The following MRTFA variants were observed in gnomAD, a reference collection of about 807,000 sequenced individuals.
MRTFA encodes myocardin-related transcription factor A.
In MRTFA, 20 loss-of-function variants were observed where a neutral mutation model predicts 83.5. The observed-to-expected ratio is 0.24, with a 90% confidence interval of 0.17 to 0.35. The LOEUF (loss-of-function observed/expected upper bound fraction) is 0.35. Among genes scored for constraint, MRTFA ranks in the 10% least tolerant of loss-of-function variants. The pLI, the probability that MRTFA is intolerant of heterozygous loss-of-function variation, is 1.00. For missense variants in MRTFA, 1,200 were observed against 1,224.7 expected (o/e 0.98, Z 0.30); for synonymous variants, 659 against 541.2 (o/e 1.22, Z -3.02).
intron 3 of MRTFA, among the ~76,000 whole-genome samples, chr22:40,469,903 C>A (rs1041899242): frequency 6.6e-6 from 1 of 151,916 alleles, no homozygotes; most frequent in Admixed American, 6.6e-5. Context: ...AATAGCAAGA[C>A]CCCCATCTCT....
intron 12 of MRTFA, 86 bp downstream of exon 12, chr22:40,418,287 AG>A (rs2052731554): frequency 6.5e-7 from 1 of 1,532,800 alleles, no homozygotes; most frequent in Non-Finnish European, 8.7e-7. Flanking sequence ...GTCCAGCACG[AG>A]GGGTCCCCTG....
At chr22:40,539,146 C>T (rs2055243796) in intron 3 of MRTFA, among the ~76,000 whole-genome samples, 2 of 150,684 alleles carry the variant, frequency 1.3e-5, no homozygotes, top group South Asian at 4.2e-4. Flanking sequence ...AGTCGCCCAC[C>T]ACCACACCTG....
chr22:40,553,178 G>A (rs2055468602), intron 2 of MRTFA, among the ~76,000 whole-genome samples: 1 of 152,192 alleles, frequency 6.6e-6, no homozygotes. Context: ...AGAGGAAGCA[G>A]AGCATAAAAG....
chr22:40,571,916 T>A (rs2147346321), intron 2 of MRTFA, among the ~76,000 whole-genome samples: 2 of 95,102 alleles, frequency 2.1e-5, no homozygotes, highest in Non-Finnish European at 1.9e-5. Flanking sequence ...AGAGCAAGAC[T>A]CTGTCAAAAA....
At chr22:40,588,176 G>A (rs1027716660) in intron 2 of MRTFA, among the ~76,000 whole-genome samples, 3 of 151,832 alleles carry the variant, frequency 2.0e-5, no homozygotes, top group Non-Finnish European at 2.9e-5. Context: ...TTACAGGCAC[G>A]CGCCACCACG....
chr22:40,520,771 T>C (rs2054852603), intron 3 of MRTFA, among the ~76,000 whole-genome samples: 1 of 152,218 alleles, frequency 6.6e-6, no homozygotes, highest in African/African-American at 2.4e-5. Flanking sequence ...TAATATTCCA[T>C]TGTATGGATA....
rs369786698 is a variant in MRTFA, at chr22:40,483,329, T to C, written c.242-20043A>G. 2.7e-3 allele frequency among the ~76,000 whole-genome samples: 412 copies of C among 151,936 alleles called. 5 individuals are homozygous for C. The highest frequency in any genetic ancestry group is 9.5e-3 in the African/African-American group (394 of 41,378). On this transcript the variant is annotated intron_variant, in intron 3 of 14. Transcript: ENST00000355630. The stretch of plus-strand genomic sequence containing the variant: ...ATCCTCCTGCTTCAGTCTCCCAAAG[T>C]GCTGGAATCACAGGCGTGAGCTACT...
chr22:40,452,317 T>C (rs959804082), intron 4 of MRTFA, among the ~76,000 whole-genome samples: 2 of 152,106 alleles, frequency 1.3e-5, no homozygotes, highest in Non-Finnish European at 2.9e-5. Context: ...TCATCAGTTA[T>C]CTATCAGGAC....
chr22:40,419,097 C>T lies in MRTFA; in HGVS notation c.1641G>A (p.Thr547=), dbSNP rs758709520. 74 of 1,597,860 alleles carry T rather than the reference C, an allele frequency of 4.6e-5. No homozygotes were observed. In the Middle Eastern group the frequency reaches 4.9e-4, roughly 11 times the overall value. ...TGGGAGACACGGGGGGCGTGGAGCC[C>T]GTGCTGCCAAACTTCACCACCCCAC... is the stretch of plus-strand genomic sequence containing the variant. Residue 547 remains threonine (T), a synonymous_variant, in exon 12 of 15, where the codon ACG becomes ACA. Transcript: ENST00000355630.
intron 1 of MRTFA, among the ~76,000 whole-genome samples, chr22:40,631,815 T>C (rs133047): frequency 0.93 from 141,283 of 152,260 alleles, 65,713 homozygotes; most frequent in East Asian, 0.99. Flanking sequence ...GGAATTAAAT[T>C]TTTCCCATTC....
At chr22:40,597,215 A>G (rs180915611) in intron 1 of MRTFA, among the ~76,000 whole-genome samples, 2 of 152,340 alleles carry the variant, frequency 1.3e-5, no homozygotes, top group East Asian at 3.9e-4. Flanking sequence ...AGAAGGCCCA[A>G]CTGACCAGAA....
chr22:40,533,603 C>T (rs1360616594), intron 3 of MRTFA: 2 of 1,229,732 alleles, frequency 1.6e-6, no homozygotes, highest in Non-Finnish European at 1.0e-6. Context: ...ACTGTACTGC[C>T]ATCATTAACA....
chr22:40,500,362 A>T, intron 3 of MRTFA, among the ~76,000 whole-genome samples: 2 of 125,240 alleles, frequency 1.6e-5, no homozygotes, highest in African/African-American at 3.0e-5. Context: ...TTTTTTTAAC[A>T]TTTCATTTTT....
chr22:40,519,598 ATT>A (rs1035023895), intron 3 of MRTFA: 1 of 1,326,488 alleles, frequency 7.5e-7, no homozygotes, highest in African/African-American at 1.5e-5. Context: ...GTTATACCCA[ATT>A]TGAGACATTT....
chr22:40,521,522 A>C (rs1318776193), intron 3 of MRTFA, among the ~76,000 whole-genome samples: 1 of 150,060 alleles, frequency 6.7e-6, no homozygotes, highest in African/African-American at 2.4e-5. Flanking sequence ...ATTATGAGAC[A>C]GAGTCTCACT....
chr22:40,590,278 T>C (rs1478855448), intron 2 of MRTFA, among the ~76,000 whole-genome samples: 1 of 152,072 alleles, frequency 6.6e-6, no homozygotes, highest in Non-Finnish European at 1.5e-5. Context: ...AAAAGACAGT[T>C]TACAATGGAT....
intron 2 of MRTFA, among the ~76,000 whole-genome samples, chr22:40,570,577 CAAAAAAAAAAAAAAAA>C (rs894548892): frequency 1.7e-4 from 4 of 23,152 alleles, no homozygotes; most frequent in South Asian, 2.3e-3. Context: ...GACTCTGTCT[CAAAAAAAAAAAAAAAA>C]AAAAAAAAAA....
chr22:40,524,437 AG>A (rs2054926478), intron 3 of MRTFA, among the ~76,000 whole-genome samples: 1 of 152,248 alleles, frequency 6.6e-6, no homozygotes, highest in Non-Finnish European at 1.5e-5. Flanking sequence ...AAAACTTCTG[AG>A]AGGTTCAGCA....
intron 3 of MRTFA, among the ~76,000 whole-genome samples, chr22:40,467,836 T>C (rs1282721763): frequency 6.6e-6 from 1 of 152,238 alleles, no homozygotes; most frequent in African/African-American, 2.4e-5. Context: ...AATCCTTTAC[T>C]GTTACTGATT....
Sources: gnomAD v4.1 joint callset for allele counts (sites outside exome capture counted in the v4.1 genomes callset) on GRCh38, gnomAD v4.1.1 for gene constraint, MANE v1.5 for transcripts, NCBI Gene and HGNC (gene_info 2026-07-23, HGNC 2026-07-21) for gene names.